Variants in UBE3C observed in about 807,000 individuals in gnomAD.
UBE3C encodes the protein ubiquitin protein ligase E3C, also known as ubiquitin-protein ligase E3C.
A neutral mutation model predicts 129.4 loss-of-function variants in UBE3C; 42 were observed. The ratio of observed to expected loss-of-function variants is 0.32; its 90% CI spans 0.25 to 0.42. UBE3C has a LOEUF of 0.42. UBE3C is among the 10% of genes least tolerant of loss of function. The pLI, the probability that UBE3C is intolerant of heterozygous loss-of-function variation, is 1.00. For synonymous variants in UBE3C, 510 were observed against 492.4 expected (o/e 1.04, Z -0.47); for missense variants, 1,049 against 1,319.1 (o/e 0.80, Z 3.17).
intron 1 of UBE3C, among the ~76,000 whole-genome samples, chr7:157,158,112 CA>C (rs1807968922): frequency 7.4e-6 from 1 of 135,460 alleles, no homozygotes; most frequent in Non-Finnish European, 1.5e-5. Flanking sequence ...AGGCTGGTCT[CA>C]AACTCTTGGC....
chr7:157,208,826 C>T (rs1355502243), intron 13 of UBE3C, among the ~76,000 whole-genome samples: 1 of 152,206 alleles, frequency 6.6e-6, no homozygotes, highest in Admixed American at 6.5e-5. Flanking sequence ...TGCTTGACTT[C>T]CCATGAAATT....
chr7:157,260,613 A>G (rs1417758943), intron 22 of UBE3C, among the ~76,000 whole-genome samples: 3 of 152,208 alleles, frequency 2.0e-5, no homozygotes, highest in Non-Finnish European at 4.4e-5. Context: ...ATTAACATTT[A>G]TTATGATAGA....
intron 3 of UBE3C, among the ~76,000 whole-genome samples, chr7:157,169,445 G>A (rs939867424): frequency 6.6e-6 from 1 of 150,876 alleles, no homozygotes; most frequent in African/African-American, 2.4e-5. Flanking sequence ...GCATGATCTC[G>A]GCTCACTGCA....
chr7:157,220,819 T>C (rs1795718189), intron 15 of UBE3C, 43 bp downstream of exon 15: 2 of 1,595,092 alleles, frequency 1.3e-6, no homozygotes, highest in African/African-American at 1.3e-5. Context: ...ATGAATTACA[T>C]GCTGTCAAAT....
At chr7:157,254,176 G>T in intron 20 of UBE3C, 34 bp downstream of exon 20, 2 of 1,610,252 alleles carry the variant, frequency 1.2e-6, no homozygotes, top group Non-Finnish European at 1.7e-6. Flanking sequence ...GGACACGCTT[G>T]TCACAGGAAA....
At position 157,224,045 on chromosome 7, in the gene UBE3C, G is replaced by A. The variant is rs138028545; in HGVS notation, c.2100+694G>A. 3.5e-3 allele frequency among the ~76,000 whole-genome samples: 529 copies of A among 151,610 alleles called. 16 individuals carry two copies. In the South Asian group the frequency reaches 0.048, roughly 14 times the overall value. On this transcript the variant is annotated intron_variant, in intron 16 of 22. Coordinates refer to ENST00000348165, the MANE Select transcript of UBE3C (RefSeq NM_014671.3). ...TTTTTCTGAGACAGGATCTCACTCT[G>A]TCACCTGGGCTAGAAAGCAGTGCTG... is the stretch of plus-strand genomic sequence containing the variant.
chr7:157,193,368 C>A (rs1265517706), intron 10 of UBE3C, among the ~76,000 whole-genome samples: 1 of 152,036 alleles, frequency 6.6e-6, no homozygotes, highest in Admixed American at 6.5e-5. Flanking sequence ...TTTCTTTTAC[C>A]TGTGGCACCT....
rs183181407 is a variant in UBE3C at position 157,204,996 on chromosome 7, G to A, written c.1419-2402G>A. Among the ~76,000 whole-genome samples the A allele has an allele frequency of 4.6e-5, 7 of 152,294 alleles. No homozygotes were observed. In the East Asian group the frequency reaches 1.2e-3, roughly 25 times the overall value. The stretch of plus-strand genomic sequence containing the variant: ...CTAGACAGAGGTTAGGGATTGCCTC[G>A]GGTCTCACTGATGGTCAGTAATTCA... On this transcript the variant is annotated intron_variant, in intron 11 of 22. Transcript: ENST00000348165.
At chr7:157,237,037 G>A (rs112612291) in intron 18 of UBE3C, among the ~76,000 whole-genome samples, 15,026 of 152,114 alleles carry the variant, frequency 0.099, 831 homozygotes, top group African/African-American at 0.13. Flanking sequence ...CGGCAAGACA[G>A]TTTTCTATGT....
rs146953370 is a variant in UBE3C at position 157,251,110 on chromosome 7, T to C, written c.2694+2530T>C. Among the ~76,000 whole-genome samples the C allele has an allele frequency of 4.0e-3, 603 of 152,332 alleles. 5 individuals are homozygous for C. The highest frequency in any genetic ancestry group is 4.5e-3 in the Non-Finnish European group (307 of 68,034). On this transcript the variant is annotated intron_variant, in intron 19 of 22. Transcript: ENST00000348165. ...TAATGAGAAAAATTAAGAAATTCAC[T>C]AGTGAAGCACCTAATTTAGAGGGAG... is the stretch of plus-strand genomic sequence containing the variant.
intron 10 of UBE3C, among the ~76,000 whole-genome samples, chr7:157,194,835 C>T (rs1809073262): frequency 6.6e-6 from 1 of 152,126 alleles, no homozygotes; most frequent in Non-Finnish European, 1.5e-5. Context: ...GTGATGACTT[C>T]AGTATTAGCT....
chr7:157,208,570 T>A (rs1401418522), intron 13 of UBE3C, among the ~76,000 whole-genome samples: 1 of 152,250 alleles, frequency 6.6e-6, no homozygotes, highest in African/African-American at 2.4e-5. Flanking sequence ...ATACAGTTTT[T>A]AAAATGTTTT....
At chr7:157,232,948 T>A (rs2116641647) in intron 18 of UBE3C, among the ~76,000 whole-genome samples, 1 of 152,286 alleles carries the variant, frequency 6.6e-6, no homozygotes, top group Middle Eastern at 3.4e-3. Flanking sequence ...GTTCAGTGGT[T>A]TTTAATATAT....
intron 1 of UBE3C, 137 bp downstream of exon 1, chr7:157,139,475 C>A: frequency 1.3e-6 from 1 of 774,998 alleles, no homozygotes; most frequent in Non-Finnish European, 1.8e-6. Context: ...CTGGCGGGGA[C>A]TCGGGGCTTC....
intron 4 of UBE3C, among the ~76,000 whole-genome samples, chr7:157,171,682 ATATATTTTTTTTTTTTTTTTTTTTTTTTT>A (rs1808376006): frequency 2.2e-5 from 1 of 44,980 alleles, no homozygotes; most frequent in African/African-American, 8.1e-5. Flanking sequence ...ATATATATAT[ATATATTTTTTTTTTTTTTTTTTTTTTTTT>A]TTTTTTTTTT....
chr7:157,203,403 G>A (rs866604162), intron 11 of UBE3C, among the ~76,000 whole-genome samples: 1 of 152,074 alleles, frequency 6.6e-6, no homozygotes, highest in Admixed American at 6.6e-5. Flanking sequence ...ATGTTTTGTT[G>A]TGTTTTTTTT....
intron 10 of UBE3C, chr7:157,198,310 C>T (rs1234711714): frequency 1.2e-6 from 1 of 842,280 alleles, no homozygotes; most frequent in African/African-American, 1.7e-5. Flanking sequence ...GTCTGTCAGA[C>T]TTGGAAGATT....
chr7:157,231,036 CTTGT>C (rs1796010237), intron 17 of UBE3C, 40 bp from the exon 18 acceptor site: 3 of 1,603,638 alleles, frequency 1.9e-6, no homozygotes, highest in Non-Finnish European at 8.5e-7. Context: ...TTATTGCTTG[CTTGT>C]AACATCTTTC....
At chr7:157,154,003 GAA>G (rs374420490) in intron 1 of UBE3C, among the ~76,000 whole-genome samples, 3 of 150,854 alleles carry the variant, frequency 2.0e-5, no homozygotes, top group African/African-American at 7.3e-5. Flanking sequence ...TCTGGGGGGG[GAA>G]AAGTTAACTT....
Sources: allele counts gnomAD v4.1 joint callset (sites outside exome capture counted in the v4.1 genomes callset), GRCh38; gene constraint gnomAD v4.1.1; transcripts MANE v1.5; gene names NCBI Gene and HGNC (gene_info 2026-07-23, HGNC 2026-07-21).